The following GTF2IRD1 variants were observed in gnomAD, a reference collection of about 807,000 sequenced individuals.
The protein encoded by GTF2IRD1 is GTF2I repeat domain containing 1.
A neutral mutation model predicts 113.2 loss-of-function variants in GTF2IRD1; 26 were observed. The ratio of observed to expected loss-of-function variants is 0.23; its 90% CI spans 0.17 to 0.32. The LOEUF is 0.32. Among genes scored for constraint, GTF2IRD1 ranks in the 10% least tolerant of loss-of-function variants. The probability of loss-of-function intolerance (pLI) is 1.00; values close to 1 mark genes in which losing one functional copy is unlikely to be tolerated. For missense variants in GTF2IRD1, 864 were observed against 1,280.8 expected (o/e 0.67, Z 4.97); for synonymous variants, 484 against 529.1 (o/e 0.91, Z 1.17).
At chr7:74,593,612 T>C (rs1485484073) in intron 24 of GTF2IRD1, among the ~76,000 whole-genome samples, 2 of 150,724 alleles carry the variant, frequency 1.3e-5, no homozygotes, top group African/African-American at 4.9e-5. Context: ...GGGCACCTGT[T>C]GTTCCAGCTA....
At chr7:74,564,666 G>A (rs1296049086) in intron 22 of GTF2IRD1, among the ~76,000 whole-genome samples, 8 of 152,176 alleles carry the variant, frequency 5.3e-5, no homozygotes, top group Non-Finnish European at 1.0e-4. Flanking sequence ...TGAGGCGGGA[G>A]GATCCCTCGA....
chr7:74,518,055 G>GC (rs1797055455), intron 4 of GTF2IRD1, 84 bp from the exon 5 acceptor site: 1 of 983,652 alleles, frequency 1.0e-6, no homozygotes, highest in Non-Finnish European at 1.5e-6. Flanking sequence ...ACTCAGCACT[G>GC]CCCCCACTCT....
rs1221681089 is a variant in GTF2IRD1, at chr7:74,536,672, G to C, written c.1409+397G>C. On this transcript the variant is annotated intron_variant, in intron 11 of 26. Coordinates refer to ENST00000424337, the MANE Select transcript of GTF2IRD1 (RefSeq NM_005685.4). ...AAAAACAAAATTAGCCGGGTGTGGTGGTGCGCATGTGTAATCCCAGCTACT... is the reference window on the plus strand; with the variant it reads ...AAAAACAAAATTAGCCGGGTGTGGTCGTGCGCATGTGTAATCCCAGCTACT... 2.0e-5 allele frequency among the ~76,000 whole-genome samples: 3 copies of C among 152,090 alleles called. No individual in the cohort carries two copies. In the East Asian group the frequency reaches 5.8e-4, roughly 30 times the overall value.
intron 22 of GTF2IRD1, among the ~76,000 whole-genome samples, chr7:74,573,075 G>A (rs73137109): frequency 0.13 from 19,535 of 152,048 alleles, 1,413 homozygotes; most frequent in South Asian, 0.26. Flanking sequence ...CCTTCCACAC[G>A]TCGGGGAAGG....
chr7:74,548,628 G>A (rs1799103976), intron 17 of GTF2IRD1, among the ~76,000 whole-genome samples: 1 of 151,986 alleles, frequency 6.6e-6, no homozygotes, highest in Admixed American at 6.6e-5. Context: ...TTAAACTCTG[G>A]TGTGGCAGCA....
intron 22 of GTF2IRD1, among the ~76,000 whole-genome samples, chr7:74,573,807 C>T (rs587727252): frequency 2.0e-5 from 3 of 152,220 alleles, no homozygotes; most frequent in South Asian, 4.1e-4. Flanking sequence ...TAAGAACCTT[C>T]GTGTCATGGA....
intron 22 of GTF2IRD1, among the ~76,000 whole-genome samples, chr7:74,586,496 G>A (rs1177776324): frequency 7.2e-5 from 11 of 152,218 alleles, no homozygotes; most frequent in African/African-American, 1.4e-4. Flanking sequence ...CTGGCGGGCC[G>A]TGCCTGAAGA....
At chr7:74,499,085 G>A (rs1307039940) in intron 1 of GTF2IRD1, among the ~76,000 whole-genome samples, 1 of 152,170 alleles carries the variant, frequency 6.6e-6, no homozygotes, top group East Asian at 1.9e-4. Flanking sequence ...GAGGGCAGGC[G>A]GAGCCTGGCA....
intron 11 of GTF2IRD1, among the ~76,000 whole-genome samples, chr7:74,537,702 T>A (rs1427295939): frequency 4.6e-5 from 7 of 152,080 alleles, no homozygotes; most frequent in African/African-American, 1.7e-4. Flanking sequence ...GGGAGGGAAT[T>A]AACCAAATCA....
Position 74,496,485 on chromosome 7 carries a change from ATGTG to A in GTF2IRD1, c.-6-11576_-6-11573del, listed in dbSNP as rs201962320. 6.3e-3 allele frequency among the ~76,000 whole-genome samples: 586 copies of A among 92,808 alleles called. 8 individuals are homozygous for A. The highest frequency in any genetic ancestry group is 0.018 in the East Asian group (54 of 2,948). 60.9% of individuals were successfully genotyped at this position (92,808 alleles called of 152,430 possible). On this transcript the variant is annotated intron_variant, in intron 1 of 26. Coordinates refer to ENST00000424337, the MANE Select transcript of GTF2IRD1 (RefSeq NM_005685.4). ...TGTGTGTTCATGTGGGTGTGCACGT[ATGTG>A]TGTGTGTGTGTGTTCATGTGGGTGT...
At position 74,538,774 on chromosome 7, in the gene GTF2IRD1, A is replaced by G. The variant is rs782757239; in HGVS notation, c.1528+14A>G. 6.5e-6 allele frequency: 9 copies of G among 1,392,466 alleles called. No homozygotes were observed. In the South Asian group the frequency reaches 8.1e-5, roughly 12 times the overall value. The allele number at this position is 1,392,466 out of a possible 1,614,324, so 86.3% of individuals were successfully genotyped here. A position where few individuals can be genotyped will look rare whatever the true frequency, so the allele number is the denominator to read the frequency against. On this transcript the variant is annotated intron_variant, in intron 13 of 26. Coordinates refer to ENST00000424337, the MANE Select transcript of GTF2IRD1 (RefSeq NM_005685.4). ...TCACCGTCCCAGGTAAGGGACGGGC[A>G]TCTGACCACCCCCTGCAGAAATCAG...
At chr7:74,524,926 T>G (rs1180688214) in intron 8 of GTF2IRD1, among the ~76,000 whole-genome samples, 1 of 152,074 alleles carries the variant, frequency 6.6e-6, no homozygotes, top group Non-Finnish European at 1.5e-5. Context: ...TGGTCTTAGC[T>G]ACTTGCAGGC....
intron 22 of GTF2IRD1, among the ~76,000 whole-genome samples, chr7:74,578,343 G>A (rs1348453158): frequency 1.3e-5 from 2 of 151,910 alleles, no homozygotes; most frequent in South Asian, 2.1e-4. Context: ...CCGCCACCAC[G>A]CCCAGCTAAT....
In GTF2IRD1 at chr7:74,556,790, A is replaced by ATTTTTTTTTTTTTTTT. The variant is rs587648610; in HGVS notation, c.2024-844_2024-843insTTTTTTTTTTTTTTTT. Among the ~76,000 whole-genome samples the ATTTTTTTTTTTTTTTT allele has an allele frequency of 2.0e-3, 265 of 132,662 alleles. 1 individual carries two copies. Among genetic ancestry groups the ATTTTTTTTTTTTTTTT allele is most frequent in the African/African-American group, 2.3e-3 (83 of 35,720 alleles). 87.0% of individuals were successfully genotyped at this position (132,662 alleles called of 152,430 possible). On this transcript the variant is annotated intron_variant, in intron 19 of 26. Transcript: ENST00000424337. ...AGGTACGCACCACCATGCCTGGCTA[A>ATTTTTTTTTTTTTTTT]TTTTTGTATTTTTAGTAGAGATAGG...
chr7:74,593,302 G>A (rs1413937926), intron 24 of GTF2IRD1, among the ~76,000 whole-genome samples: 5 of 151,008 alleles, frequency 3.3e-5, no homozygotes, highest in African/African-American at 7.3e-5. Flanking sequence ...ACGGCCAGGC[G>A]TGGTGGCTCA....
chr7:74,547,341 G>T, intron 17 of GTF2IRD1, 55 bp downstream of exon 17: 1 of 1,392,050 alleles, frequency 7.2e-7, no homozygotes, highest in Admixed American at 2.0e-5. Flanking sequence ...AGCACCAAGG[G>T]GCAGGAGCAG....
chr7:74,592,737 T>C (rs587665084), intron 24 of GTF2IRD1, among the ~76,000 whole-genome samples: 204 of 152,102 alleles, frequency 1.3e-3, no homozygotes, highest in African/African-American at 4.8e-3. Flanking sequence ...TTCTCCACGT[T>C]GGTCAGGCTG....
chr7:74,576,768 A>G (rs1443742325), intron 22 of GTF2IRD1, among the ~76,000 whole-genome samples: 1 of 145,618 alleles, frequency 6.9e-6, no homozygotes, highest in African/African-American at 2.5e-5. Flanking sequence ...TTACAGGCAT[A>G]TGCCAACATG....
At chr7:74,525,823 C>T (rs782384128) in intron 8 of GTF2IRD1, among the ~76,000 whole-genome samples, 9 of 152,020 alleles carry the variant, frequency 5.9e-5, no homozygotes, top group Non-Finnish European at 1.2e-4. Context: ...GAGGATAATT[C>T]CAAGGAAGAA....
Sources: gnomAD v4.1 joint callset for allele counts (sites outside exome capture counted in the v4.1 genomes callset) on GRCh38, gnomAD v4.1.1 for gene constraint, MANE v1.5 for transcripts, NCBI Gene and HGNC (gene_info 2026-07-23, HGNC 2026-07-21) for gene names.